Variants in GDPD5 observed in about 807,000 individuals in gnomAD.
The protein encoded by GDPD5 is glycerophosphodiester phosphodiesterase 2.
In GDPD5, 48 loss-of-function variants were observed where a neutral mutation model predicts 75.1. The ratio of observed to expected loss-of-function variants is 0.64; its 90% CI spans 0.51 to 0.81. The LOEUF (loss-of-function observed/expected upper bound fraction) is 0.81. Ranked by LOEUF, GDPD5 falls within the 40% of genes least tolerant of loss-of-function variation. GDPD5 has a pLI of 0.00. For synonymous variants in GDPD5, 336 were observed against 339.0 expected, an observed-to-expected ratio of 0.99 and a Z score of 0.10; for missense variants, 706 against 822.6, an observed-to-expected ratio of 0.86 and a Z score of 1.73.
At chr11:75,502,914 C>T (rs536763262) in intron 1 of GDPD5, among the ~76,000 whole-genome samples, 10 of 152,364 alleles carry the variant, frequency 6.6e-5, no homozygotes, top group African/African-American at 1.4e-4. Context: ...CCACTCTAGA[C>T]GCCACCTGAC....
intron 1 of GDPD5, among the ~76,000 whole-genome samples, chr11:75,518,621 C>T (rs117544695): frequency 0.018 from 2,812 of 152,294 alleles, 39 homozygotes; most frequent in Non-Finnish European, 0.027. Context: ...TCCTGCCACA[C>T]GCCTTTCTAA....
chr11:75,489,603 T>A (rs1350053709), intron 2 of GDPD5, among the ~76,000 whole-genome samples: 1 of 152,224 alleles, frequency 6.6e-6, no homozygotes, highest in South Asian at 2.1e-4. Flanking sequence ...GATTCTCTTT[T>A]AAAATATAAA....
intron 9 of GDPD5, among the ~76,000 whole-genome samples, chr11:75,445,185 T>C (rs1047751913): frequency 6.6e-6 from 1 of 152,196 alleles, no homozygotes; most frequent in African/African-American, 2.4e-5. Flanking sequence ...AAGGTCTTGC[T>C]GTCACCCAGG....
chr11:75,445,679 C>T (rs751053149), intron 9 of GDPD5, among the ~76,000 whole-genome samples: 14 of 152,196 alleles, frequency 9.2e-5, no homozygotes, highest in South Asian at 2.1e-4. Context: ...AATCCTGTTC[C>T]CACCTTCTCT....
intron 1 of GDPD5, among the ~76,000 whole-genome samples, chr11:75,496,898 A>G (rs1950221304): frequency 6.8e-6 from 1 of 146,422 alleles, no homozygotes; most frequent in Admixed American, 7.1e-5. Context: ...CTCCCGCCTC[A>G]GCCTCCTGAG....
intron 6 of GDPD5, chr11:75,452,916 T>G (rs1949200971): frequency 1.3e-5 from 2 of 152,686 alleles, no homozygotes. Context: ...CTGCTGCCAC[T>G]GAGGCAGGGG....
Position 75,435,197 on chromosome 11 carries a change from C to A in GDPD5, c.*310G>T. The A allele has an allele frequency of 3.6e-6, 1 of 279,210 alleles. No individual in the cohort carries two copies. Among genetic ancestry groups the A allele is most frequent in the African/African-American group, 2.1e-5 (1 of 46,744 alleles). The allele number at this position is 279,210 out of a possible 1,614,324, so 17.3% of individuals were successfully genotyped here. On this transcript the variant is annotated 3_prime_UTR_variant, in exon 17 of 17. Coordinates refer to ENST00000336898, the MANE Select transcript of GDPD5 (RefSeq NM_030792.8). ...ACAGGGGGTATGGCATGGCCCATGA[C>A]CCATCAAAGCTTCCAGGTCGGGATA...
Position 75,435,656 on chromosome 11 carries a change from C to T in GDPD5, c.1670-1G>A. ...GAGACCTCTACACCATCGCTGATCTCTGCTGGGCCAGAGGGAGACAGAATG... is the reference window on the plus strand; with the variant it reads ...GAGACCTCTACACCATCGCTGATCTTTGCTGGGCCAGAGGGAGACAGAATG... On this transcript the variant is annotated splice_acceptor_variant, in intron 16 of 16. Transcript: ENST00000336898. LOFTEE classifies it high-confidence loss of function. The T allele has an allele frequency of 6.2e-7, 1 of 1,600,526 alleles. No homozygotes were observed. Among genetic ancestry groups the T allele is most frequent in the Non-Finnish European group, 8.5e-7 (1 of 1,171,858 alleles).
chr11:75,448,937 C>T, intron 9 of GDPD5, 40 bp downstream of exon 9: 1 of 1,524,958 alleles, frequency 6.6e-7, no homozygotes, highest in South Asian at 1.3e-5. Flanking sequence ...CATCGCACCC[C>T]ACCCCAACGG....
At chr11:75,453,123 C>T (rs1055442149) in intron 6 of GDPD5, among the ~76,000 whole-genome samples, 5 of 152,134 alleles carry the variant, frequency 3.3e-5, no homozygotes, top group African/African-American at 1.2e-4. Flanking sequence ...CTCAATTTCT[C>T]CTGAACACTC....
intron 1 of GDPD5, among the ~76,000 whole-genome samples, chr11:75,492,104 C>G (rs1950119873): frequency 6.6e-6 from 1 of 152,226 alleles, no homozygotes; most frequent in South Asian, 2.1e-4. Context: ...TCAGCCTTAC[C>G]TGGGCCCATG....
At chr11:75,492,319 C>T (rs2135422447) in intron 1 of GDPD5, 1 of 152,386 alleles carries the variant, frequency 6.6e-6, no homozygotes, top group South Asian at 2.1e-4. Flanking sequence ...GGGTGACACG[C>T]CCGGGTCTGG....
intron 1 of GDPD5, among the ~76,000 whole-genome samples, chr11:75,497,617 CTG>C (rs1950234816): frequency 2.0e-5 from 3 of 152,318 alleles, no homozygotes; most frequent in South Asian, 2.1e-4. Context: ...GAAAGTAAAA[CTG>C]TACTTATCTG....
chr11:75,457,704 C>A lies in GDPD5; in HGVS notation c.304G>T (p.Ala102Ser), dbSNP rs537284169. Residue 102 changes from alanine to serine, a missense_variant, in exon 5 of 17, where the codon GCT (alanine) becomes TCT (serine). Coordinates refer to ENST00000336898, the MANE Select transcript of GDPD5 (RefSeq NM_030792.8). Reference protein sequence around the residue: ...VTTAAAFAYIAGLLVLALCHI... With the variant: ...VTTAAAFAYISGLLVLALCHI... ...ACAGCCCCATGTACCAGGAGGCCAG[C>A]GATGTATGCGAAGGCAGCAGCTGTG... 1 of 1,614,014 alleles carries A rather than the reference C, an allele frequency of 6.2e-7. No homozygotes were observed.
At chr11:75,449,646 C>A in intron 7 of GDPD5, 36 bp from the exon 8 acceptor site, 2 of 1,543,282 alleles carry the variant, frequency 1.3e-6, no homozygotes, top group Non-Finnish European at 8.8e-7. Context: ...ACCAGTAACG[C>A]CCAGCTCTGC....
intron 11 of GDPD5, 62 bp downstream of exon 11, chr11:75,443,074 C>T (rs893307957): frequency 3.9e-6 from 6 of 1,548,638 alleles, no homozygotes; most frequent in Admixed American, 1.9e-5. Flanking sequence ...TTGCACCTCT[C>T]ACTCCTTGCA....
chr11:75,497,079 G>T (rs984813078), intron 1 of GDPD5, among the ~76,000 whole-genome samples: 3 of 151,986 alleles, frequency 2.0e-5, no homozygotes, highest in Admixed American at 6.6e-5. Context: ...CACCATGTCC[G>T]GCTGCAGTAG....
chr11:75,501,235 C>T lies in GDPD5; in HGVS notation c.-144-10915G>A, dbSNP rs137878966. 7.2e-5 allele frequency among the ~76,000 whole-genome samples: 11 copies of T among 152,362 alleles called. No individual in the cohort carries two copies. The East Asian group carries it at 9.6e-4, about 13-fold the overall frequency. ...AGGGCTATACCCTGGCTCGGCCCCT[C>T]CTCGCACTTAGCCCCTTTCAGAGCA... is the stretch of plus-strand genomic sequence containing the variant. On this transcript the variant is annotated intron_variant, in intron 1 of 16. Coordinates refer to ENST00000336898, the MANE Select transcript of GDPD5 (RefSeq NM_030792.8).
intron 15 of GDPD5, 77 bp downstream of exon 15, chr11:75,439,802 G>T: frequency 1.7e-6 from 2 of 1,186,326 alleles, no homozygotes; most frequent in Non-Finnish European, 2.5e-6. Flanking sequence ...GCTCAGGAGA[G>T]GGTTCACCTG....
Sources: gnomAD v4.1 joint callset for allele counts (sites outside exome capture counted in the v4.1 genomes callset) on GRCh38, gnomAD v4.1.1 for gene constraint, MANE v1.5 for transcripts, NCBI Gene and HGNC (gene_info 2026-07-23, HGNC 2026-07-21) for gene names.